The following SPTBN1 variants were observed in gnomAD, a reference collection of about 807,000 sequenced individuals.
The protein encoded by SPTBN1 is spectrin beta, non-erythrocytic 1.
Under a neutral mutation model 266.4 loss-of-function variants are expected in SPTBN1, and 32 were observed. The ratio of observed to expected loss-of-function variants is 0.12; its 90% confidence interval spans 0.09 to 0.16. The LOEUF is 0.16. Ranked by LOEUF, SPTBN1 falls within the 10% of genes least tolerant of loss-of-function variation. SPTBN1 has a pLI of 1.00. For missense variants in SPTBN1, 2,296 were observed against 3,067.1 expected, an observed-to-expected ratio of 0.75 and a Z score of 5.94; for synonymous variants, 1,336 against 1,162.2, an observed-to-expected ratio of 1.15 and a Z score of -3.04.
intron 2 of SPTBN1, among the ~76,000 whole-genome samples, chr2:54,552,203 A>G (rs1672614215): frequency 6.6e-6 from 1 of 152,210 alleles, no homozygotes; most frequent in Non-Finnish European, 1.5e-5. Flanking sequence ...GAAGTAAGAG[A>G]TGGCCAAAAG....
intron 1 of SPTBN1, among the ~76,000 whole-genome samples, chr2:54,457,841 C>G (rs1693148782): frequency 6.6e-6 from 1 of 152,222 alleles, no homozygotes; most frequent in Non-Finnish European, 1.5e-5. Context: ...TGGGATGATC[C>G]CTCCTGCACC....
Position 54,653,899 on chromosome 2 carries a change from T to G in SPTBN1, c.5822+46T>G, listed in dbSNP as rs1046564324. On this transcript the variant is annotated intron_variant, in intron 27 of 35. Transcript: ENST00000356805. This position sits in a 1 kb window ranked among gnomAD's most constrained non-coding sequence, Gnocchi z 5.1. ...GAAATTGGACTTATTGGCGCTTGGT[T>G]AAAACACAGGAGTCTTCCAGAGAGA... 3.1e-6 allele frequency: 5 copies of G among 1,592,396 alleles called. No individual in the cohort carries two copies. Among genetic ancestry groups the G allele is most frequent in the Non-Finnish European group, 3.4e-6 (4 of 1,174,668 alleles).
chr2:54,640,477 G>A (rs911001171), intron 18 of SPTBN1, among the ~76,000 whole-genome samples: 2 of 152,164 alleles, frequency 1.3e-5, no homozygotes, highest in African/African-American at 4.8e-5. Flanking sequence ...ACAGTATGCT[G>A]GAATGAGCAG....
At chr2:54,486,385 C>A (rs1171160106) in intron 1 of SPTBN1, among the ~76,000 whole-genome samples, 2 of 152,254 alleles carry the variant, frequency 1.3e-5, no homozygotes, top group East Asian at 1.9e-4. Flanking sequence ...AAGAAAAATT[C>A]TTCTGCCTTG....
intron 2 of SPTBN1, among the ~76,000 whole-genome samples, chr2:54,542,475 C>T (rs80220004): frequency 0.041 from 6,222 of 152,224 alleles, 414 homozygotes; most frequent in African/African-American, 0.14. Flanking sequence ...GTTAATTAAT[C>T]TCAATATGTA....
At chr2:54,629,867 C>G in intron 14 of SPTBN1, 25 bp from the exon 15 acceptor site, 1 of 1,613,814 alleles carries the variant, frequency 6.2e-7, no homozygotes. Flanking sequence ...CAGGAGGTGA[C>G]CACCCTGTCA....
chr2:54,633,409 G>A (rs758367565), intron 17 of SPTBN1, among the ~76,000 whole-genome samples: 9 of 136,344 alleles, frequency 6.6e-5, no homozygotes, highest in East Asian at 2.1e-4. Flanking sequence ...TTTTATTTAC[G>A]TGTGTGTGTG....
chr2:54,660,251 T>TG, intron 32 of SPTBN1: 1 of 1,358,882 alleles, frequency 7.4e-7, no homozygotes, highest in Non-Finnish European at 9.5e-7. Context: ...AACTGATGGA[T>TG]GCCCACTTGC....
intron 2 of SPTBN1, among the ~76,000 whole-genome samples, chr2:54,562,806 C>T (rs1249624584): frequency 6.6e-6 from 1 of 150,926 alleles, no homozygotes; most frequent in East Asian, 2.0e-4. Flanking sequence ...GATTGGTCTG[C>T]CTCGGCCTCC....
intron 2 of SPTBN1, among the ~76,000 whole-genome samples, chr2:54,588,695 C>T (rs890476511): frequency 3.3e-5 from 5 of 152,178 alleles, no homozygotes; most frequent in African/African-American, 1.2e-4. Flanking sequence ...ACTGATCAGT[C>T]ACCCTGACTG....
rs748720017 is a variant in SPTBN1, at chr2:54,653,646, C to T, written c.5615C>T (p.Ala1872Val). 6 of 1,613,898 alleles carry T rather than the reference C, an allele frequency of 3.7e-6. No homozygotes were observed. Among genetic ancestry groups the T allele is most frequent in the Non-Finnish European group, 4.2e-6 (5 of 1,179,968 alleles). ...CAGGAGGATGCAGCCCGCCTCCAGG[C>T]GGCCTATGCGGGTGACAAGGCCGAC... Reference protein sequence around the residue: ...QLQEDAARLQAAYAGDKADDI... With the variant: ...QLQEDAARLQVAYAGDKADDI... Residue 1872 changes from alanine to valine, a missense_variant, in exon 27 of 36, where the codon GCG becomes GTG. Physicochemically the swap from Ala to Val is moderately conservative, Grantham distance 64. This residue lies in a region of SPTBN1 where 644 missense variants were observed against 745.3 expected (regional missense o/e 0.86). Coordinates refer to ENST00000356805, the MANE Select transcript of SPTBN1 (RefSeq NM_003128.3). The surrounding 1 kb of genome is among the most constrained non-coding windows in gnomAD (Gnocchi z 5.1).
At chr2:54,549,880 A>G (rs1356056819) in intron 2 of SPTBN1, among the ~76,000 whole-genome samples, 2 of 152,196 alleles carry the variant, frequency 1.3e-5, no homozygotes. Context: ...CAGAGGGGAC[A>G]GTTAGGAGGA....
intron 1 of SPTBN1, among the ~76,000 whole-genome samples, chr2:54,511,015 G>T (rs922450555): frequency 7.9e-5 from 12 of 152,216 alleles, no homozygotes; most frequent in African/African-American, 2.9e-4. Context: ...GTGTGGTGAG[G>T]TATCCCCAGC....
chr2:54,649,954 A>G lies in SPTBN1; in HGVS notation c.5542A>G (p.Thr1848Ala). The G allele has an allele frequency of 1.9e-6, 3 of 1,612,852 alleles. No homozygotes were observed. The South Asian group carries it at 3.3e-5, about 18-fold the overall frequency. ...GGAGACCTTACAGAGAATGCACACT[A>G]CATTTGAGCATGACATCCAGGCTCT... ...TVETLQRMHT[T>A]FEHDIQALGT... Residue 1848 changes from threonine to alanine, a missense_variant, in exon 26 of 36, where the codon ACA becomes GCA. Physicochemically the swap from Thr to Ala is moderately conservative, Grantham distance 58 (BLOSUM62 0). This residue lies in a region of SPTBN1 where 644 missense variants were observed against 745.3 expected (regional missense o/e 0.86). Transcript: ENST00000356805. This position sits in a 1 kb window ranked among gnomAD's most constrained non-coding sequence, Gnocchi z 6.7.
intron 1 of SPTBN1, among the ~76,000 whole-genome samples, chr2:54,473,383 G>A (rs1030703342): frequency 4.6e-5 from 7 of 152,124 alleles, no homozygotes; most frequent in Non-Finnish European, 8.8e-5. Flanking sequence ...ACTTTCAGAT[G>A]GCAAATGAAT....
intron 2 of SPTBN1, among the ~76,000 whole-genome samples, chr2:54,537,832 T>C (rs1671699772): frequency 6.6e-6 from 1 of 152,218 alleles, no homozygotes. Flanking sequence ...TCATTTTTTC[T>C]GGTTCCAGTT....
intron 1 of SPTBN1, among the ~76,000 whole-genome samples, chr2:54,502,613 C>T (rs1284722904): frequency 6.6e-6 from 1 of 152,230 alleles, no homozygotes; most frequent in Admixed American, 6.5e-5. Context: ...GGTTAATGGA[C>T]TTCCCTTGAA....
chr2:54,459,203 A>G (rs1461352554), intron 1 of SPTBN1, among the ~76,000 whole-genome samples: 1 of 152,228 alleles, frequency 6.6e-6, no homozygotes, highest in Non-Finnish European at 1.5e-5. Context: ...AGTGACCAAA[A>G]CCTTCATCTG....
chr2:54,469,478 GA>G (rs1453878439), intron 1 of SPTBN1, among the ~76,000 whole-genome samples: 1 of 152,174 alleles, frequency 6.6e-6, no homozygotes, highest in African/African-American at 2.4e-5. Context: ...GGATTCTTCT[GA>G]AACTCCTAAC....
Sources: gnomAD v4.1 joint callset for allele counts (sites outside exome capture counted in the v4.1 genomes callset) on GRCh38, gnomAD v4.1.1 for gene constraint, gnomAD v4.1.1 regional missense constraint, Gnocchi (gnomAD v3.1) non-coding constraint, MANE v1.5 for transcripts, NCBI Gene and HGNC (gene_info 2026-07-23, HGNC 2026-07-21) for gene names.